The following CHCHD3 variants were observed in gnomAD, a reference collection of about 807,000 sequenced individuals.
CHCHD3 encodes MICOS complex subunit MIC19.
In CHCHD3, 20 loss-of-function variants were observed where a neutral mutation model predicts 38.2. The ratio of observed to expected loss-of-function variants is 0.52; its 90% CI spans 0.37 to 0.76. The LOEUF (loss-of-function observed/expected upper bound fraction) is 0.76. Ranked by LOEUF, CHCHD3 falls within the 30% of genes least tolerant of loss-of-function variation. The pLI is 0.00. For synonymous variants in CHCHD3, 82 were observed against 100.0 expected, an observed-to-expected ratio of 0.82 and a Z score of 1.07; for missense variants, 245 against 279.2, an observed-to-expected ratio of 0.88 and a Z score of 0.87.
intron 3 of CHCHD3, among the ~76,000 whole-genome samples, chr7:133,000,624 G>A (rs1812545708): frequency 6.6e-6 from 1 of 152,066 alleles, no homozygotes; most frequent in Non-Finnish European, 1.5e-5. Flanking sequence ...AAATATATTA[G>A]AGCAACACTG....
At chr7:132,838,974 T>G (rs1193887373) in intron 5 of CHCHD3, among the ~76,000 whole-genome samples, 3 of 152,018 alleles carry the variant, frequency 2.0e-5, no homozygotes, top group African/African-American at 7.2e-5. Flanking sequence ...GCGGATCACC[T>G]GAGGTCAGGA....
At chr7:132,820,627 T>TA (rs1554496447) in intron 6 of CHCHD3, among the ~76,000 whole-genome samples, 2 of 150,680 alleles carry the variant, frequency 1.3e-5, no homozygotes, top group East Asian at 1.9e-4. Context: ...TTTTTTTTTT[T>TA]TTTTTTTTTA....
chr7:133,054,976 G>C (rs755510111), intron 2 of CHCHD3, among the ~76,000 whole-genome samples: 6 of 151,976 alleles, frequency 3.9e-5, no homozygotes, highest in Non-Finnish European at 8.8e-5. Context: ...CTGCCCACAA[G>C]GAGCTTAATG....
intron 2 of CHCHD3, among the ~76,000 whole-genome samples, chr7:133,036,790 A>G (rs1294711129): frequency 2.0e-5 from 3 of 152,222 alleles, no homozygotes; most frequent in Admixed American, 6.5e-5. Flanking sequence ...TGGAGAACCA[A>G]CAGCATTTTA....
intron 4 of CHCHD3, among the ~76,000 whole-genome samples, chr7:132,926,994 T>A (rs1441464033): frequency 6.6e-6 from 1 of 152,242 alleles, no homozygotes; most frequent in African/African-American, 2.4e-5. Context: ...GATGTCTTTT[T>A]ATAAGCAGCT....
chr7:133,036,229 A>C (rs1226685252), intron 2 of CHCHD3, among the ~76,000 whole-genome samples: 1 of 152,238 alleles, frequency 6.6e-6, no homozygotes, highest in Non-Finnish European at 1.5e-5. Flanking sequence ...CCAAATGAGT[A>C]AGATTTTACT....
intron 4 of CHCHD3, among the ~76,000 whole-genome samples, chr7:132,919,003 A>G (rs1810189094): frequency 6.6e-6 from 1 of 151,648 alleles, no homozygotes; most frequent in African/African-American, 2.4e-5. Flanking sequence ...TGTTTTCTCC[A>G]CGAGGTAGAT....
intron 4 of CHCHD3, among the ~76,000 whole-genome samples, chr7:132,970,980 A>G (rs988964358): frequency 7.9e-5 from 12 of 152,144 alleles, no homozygotes; most frequent in Middle Eastern, 3.2e-3. Context: ...CTAACATTAA[A>G]CCAGCATAAT....
At chr7:132,810,025 C>T (rs1807027327) in intron 6 of CHCHD3, among the ~76,000 whole-genome samples, 1 of 152,118 alleles carries the variant, frequency 6.6e-6, no homozygotes, top group South Asian at 2.1e-4. Flanking sequence ...AGAAAATGGT[C>T]TCTATTTGGG....
chr7:132,852,522 G>A (rs2117118270), intron 5 of CHCHD3, among the ~76,000 whole-genome samples: 1 of 152,190 alleles, frequency 6.6e-6, no homozygotes, highest in East Asian at 1.9e-4. Context: ...AATAACCACA[G>A]GACAGAGAAA....
chr7:133,012,847 G>C (rs1812918136), intron 3 of CHCHD3, among the ~76,000 whole-genome samples: 1 of 122,848 alleles, frequency 8.1e-6, no homozygotes, highest in South Asian at 3.6e-4. Flanking sequence ...GAAGAGAGGG[G>C]AGGGGAAGGG....
intron 4 of CHCHD3, among the ~76,000 whole-genome samples, chr7:132,898,304 A>G (rs1298015910): frequency 6.6e-6 from 1 of 152,140 alleles, no homozygotes; most frequent in East Asian, 1.9e-4. Flanking sequence ...GCTGATTGGT[A>G]GAGCCGAGTG....
intron 5 of CHCHD3, 123 bp from the exon 6 acceptor site, chr7:132,838,592 T>C (rs1031126599): frequency 1.1e-5 from 7 of 663,500 alleles, no homozygotes; most frequent in Non-Finnish European, 1.6e-5. Context: ...AAGACTTTCT[T>C]GTATAGGTGG....
intron 4 of CHCHD3, among the ~76,000 whole-genome samples, chr7:132,910,464 A>G (rs1809917920): frequency 6.6e-6 from 1 of 152,190 alleles, no homozygotes; most frequent in Non-Finnish European, 1.5e-5. Context: ...CTAATAAACT[A>G]TTGGGAATTC....
chr7:132,932,189 C>T (rs1176598838), intron 4 of CHCHD3, among the ~76,000 whole-genome samples: 1 of 152,134 alleles, frequency 6.6e-6, no homozygotes, highest in South Asian at 2.1e-4. Flanking sequence ...CCGGGCTCTG[C>T]CAGCAGCCCC....
intron 4 of CHCHD3, among the ~76,000 whole-genome samples, chr7:132,959,314 G>A (rs1196010486): frequency 1.3e-5 from 2 of 152,210 alleles, no homozygotes; most frequent in Non-Finnish European, 1.5e-5. Context: ...CACTGTAAGA[G>A]CATACCCTTA....
At chr7:133,010,513 T>C (rs1273545447) in intron 3 of CHCHD3, among the ~76,000 whole-genome samples, 1 of 152,220 alleles carries the variant, frequency 6.6e-6, no homozygotes, top group Non-Finnish European at 1.5e-5. Flanking sequence ...TAAAATATTA[T>C]CGTAATTTAA....
intron 5 of CHCHD3, among the ~76,000 whole-genome samples, chr7:132,852,952 T>C (rs888174348): frequency 6.6e-6 from 1 of 152,210 alleles, no homozygotes; most frequent in Non-Finnish European, 1.5e-5. Flanking sequence ...AAAACTTTCC[T>C]GAAGATTGAG....
intron 3 of CHCHD3, among the ~76,000 whole-genome samples, chr7:133,016,938 C>T (rs935168004): frequency 6.6e-6 from 1 of 152,216 alleles, no homozygotes; most frequent in Non-Finnish European, 1.5e-5. Flanking sequence ...GGCCACTGTC[C>T]ACCCACCTTT....
Sources: allele counts gnomAD v4.1 joint callset (sites outside exome capture counted in the v4.1 genomes callset), GRCh38; gene constraint gnomAD v4.1.1; transcripts MANE v1.5; gene names NCBI Gene and HGNC (gene_info 2026-07-23, HGNC 2026-07-21).